Variants in SORCS2 observed in about 807,000 individuals in gnomAD.
SORCS2 encodes VPS10 domain-containing receptor SorCS2.
SORCS2 carries 100 observed loss-of-function variants against 141.6 expected under a neutral mutation model. The observed-to-expected ratio is 0.71, with a 90% CI of 0.60 to 0.83. SORCS2 has a LOEUF of 0.83. Among genes scored for constraint, SORCS2 ranks in the 40% least tolerant of loss-of-function variants. The probability of loss-of-function intolerance (pLI) is 0.00; values close to 1 mark genes in which losing one functional copy is unlikely to be tolerated. For synonymous variants in SORCS2, 789 were observed against 676.9 expected, an observed-to-expected ratio of 1.17 and a Z score of -2.57; for missense variants, 1,646 against 1,560.2, an observed-to-expected ratio of 1.05 and a Z score of -0.93.
intron 3 of SORCS2, among the ~76,000 whole-genome samples, chr4:7,612,361 G>A (rs1018365445): frequency 6.6e-5 from 10 of 152,144 alleles, no homozygotes; most frequent in South Asian, 2.1e-4. Context: ...ACACGCCTCC[G>A]CCACATCCCA....
chr4:7,195,709 G>A (rs552477516), intron 1 of SORCS2, among the ~76,000 whole-genome samples: 2 of 152,324 alleles, frequency 1.3e-5, no homozygotes, highest in African/African-American at 2.4e-5. Context: ...TCTTAGAAAT[G>A]TACTCTGCTC....
At chr4:7,555,628 C>A (rs1714051800) in intron 3 of SORCS2, among the ~76,000 whole-genome samples, 1 of 152,246 alleles carries the variant, frequency 6.6e-6, no homozygotes, top group Non-Finnish European at 1.5e-5. Context: ...CTGAGGGAAA[C>A]TGACGTTGAT....
At chr4:7,303,055 A>G (rs1717549170) in intron 1 of SORCS2, among the ~76,000 whole-genome samples, 1 of 152,186 alleles carries the variant, frequency 6.6e-6, no homozygotes, top group African/African-American at 2.4e-5. Context: ...TAATGCGGCC[A>G]GTGCTCTGGG....
chr4:7,740,146 T>C (rs1208014252), intron 26 of SORCS2, 54 bp from the exon 27 acceptor site: 19 of 1,501,564 alleles, frequency 1.3e-5, no homozygotes, highest in Non-Finnish European at 1.8e-6. Context: ...CCTGTGGCCC[T>C]GTCTCCAGTC....
At chr4:7,436,283 G>A (rs1410625239) in intron 2 of SORCS2, among the ~76,000 whole-genome samples, 2 of 152,230 alleles carry the variant, frequency 1.3e-5, no homozygotes, top group South Asian at 2.1e-4. Context: ...GCTCAGCCAA[G>A]CACGTGTTGA....
At chr4:7,451,341 G>C (rs1188456359) in intron 2 of SORCS2, among the ~76,000 whole-genome samples, 1 of 152,254 alleles carries the variant, frequency 6.6e-6, no homozygotes, top group Non-Finnish European at 1.5e-5. Flanking sequence ...CCCCAGCTGG[G>C]AGCCCCGAGG....
intron 1 of SORCS2, among the ~76,000 whole-genome samples, chr4:7,356,642 A>T (rs552496596): frequency 1.3e-5 from 2 of 152,356 alleles, no homozygotes; most frequent in East Asian, 3.9e-4. Flanking sequence ...ACTGGGAATT[A>T]GGATTTCAAC....
chr4:7,654,174 T>A lies in SORCS2; in HGVS notation c.854T>A (p.Leu285Gln). 6.3e-7 allele frequency: 1 copy of A among 1,583,694 alleles called. No homozygotes were observed. The highest frequency in any genetic ancestry group is 8.6e-7 in the Non-Finnish European group (1 of 1,163,454). Residue 285 changes from leucine to glutamine, a missense_variant, in exon 5 of 27, where the codon CTG (leucine) becomes CAG (glutamine). Coordinates refer to ENST00000507866, the MANE Select transcript of SORCS2 (RefSeq NM_020777.3). ...GACTTGGGGAAAAAGTGGACACTTC[T>A]GCAAGAGCGAGTGACCAAAGACCAC... ...SSDLGKKWTL[L>Q]QERVTKDHVF...
At chr4:7,716,136 C>T (rs548103181) in intron 17 of SORCS2, among the ~76,000 whole-genome samples, 5 of 152,336 alleles carry the variant, frequency 3.3e-5, no homozygotes, top group South Asian at 2.1e-4. Context: ...AGGTCCCAAA[C>T]GTGCTCCGTC....
At chr4:7,488,803 C>G (rs1731146003) in intron 2 of SORCS2, among the ~76,000 whole-genome samples, 2 of 152,228 alleles carry the variant, frequency 1.3e-5, no homozygotes, top group African/African-American at 4.8e-5. Flanking sequence ...CTTCTGAGCA[C>G]TTGGATGAGA....
intron 2 of SORCS2, among the ~76,000 whole-genome samples, chr4:7,512,745 G>A (rs755581144): frequency 2.0e-5 from 3 of 151,828 alleles, no homozygotes; most frequent in African/African-American, 7.3e-5. Flanking sequence ...CTCACTATGG[G>A]GACCTCTGCT....
At chr4:7,383,358 G>A (rs1577476037) in intron 1 of SORCS2, among the ~76,000 whole-genome samples, 1 of 152,170 alleles carries the variant, frequency 6.6e-6, no homozygotes, top group South Asian at 2.1e-4. Context: ...GCAGTTGGAT[G>A]CAGACAGTGA....
intron 1 of SORCS2, among the ~76,000 whole-genome samples, chr4:7,263,211 G>T (rs143061862): frequency 3.3e-5 from 5 of 152,164 alleles, no homozygotes; most frequent in East Asian, 1.9e-4. Context: ...AATAAATGAC[G>T]GTTGTATTAG....
At chr4:7,471,748 C>G (rs531764081) in intron 2 of SORCS2, among the ~76,000 whole-genome samples, 5 of 152,364 alleles carry the variant, frequency 3.3e-5, no homozygotes, top group Admixed American at 1.3e-4. Flanking sequence ...GGCTGGGGAT[C>G]AGGCCCCTGT....
At chr4:7,639,401 GCCTACT>G (rs1720485503) in intron 4 of SORCS2, among the ~76,000 whole-genome samples, 2 of 145,544 alleles carry the variant, frequency 1.4e-5, no homozygotes, top group Non-Finnish European at 3.0e-5. Flanking sequence ...TCTCCATGCT[GCCTACT>G]GCATAAGTGT....
chr4:7,420,884 C>T (rs1174430654), intron 2 of SORCS2, among the ~76,000 whole-genome samples: 13 of 152,156 alleles, frequency 8.5e-5, no homozygotes, highest in Admixed American at 2.0e-4. Context: ...CTCGGCTTGG[C>T]GCGGAGCCTC....
At chr4:7,544,662 A>T (rs1027969379) in intron 3 of SORCS2, among the ~76,000 whole-genome samples, 7 of 151,274 alleles carry the variant, frequency 4.6e-5, no homozygotes, top group African/African-American at 1.7e-4. Context: ...AGCACAAAAC[A>T]AGAGACAGAG....
At chr4:7,705,652 G>A (rs1392629300) in intron 14 of SORCS2, among the ~76,000 whole-genome samples, 1 of 152,132 alleles carries the variant, frequency 6.6e-6, no homozygotes. Context: ...TGGATCTATG[G>A]ACTGGGACTA....
intron 5 of SORCS2, among the ~76,000 whole-genome samples, chr4:7,654,701 C>A (rs1000037047): frequency 6.6e-6 from 1 of 152,186 alleles, no homozygotes; most frequent in Non-Finnish European, 1.5e-5. Flanking sequence ...CTTATCCACA[C>A]CTGGGCCCCC....
Sources: allele counts gnomAD v4.1 joint callset (sites outside exome capture counted in the v4.1 genomes callset), GRCh38; gene constraint gnomAD v4.1.1; transcripts MANE v1.5; gene names NCBI Gene and HGNC (gene_info 2026-07-23, HGNC 2026-07-21).